Variants in CFAP61 observed in about 807,000 individuals in gnomAD.
The protein encoded by CFAP61 is cilia- and flagella-associated protein 61.
In CFAP61, 107 loss-of-function variants were observed where a neutral mutation model predicts 135.6. That is an observed-to-expected ratio of 0.79 (90% confidence interval 0.67 to 0.93). CFAP61 has a LOEUF of 0.93. CFAP61 is among the 40% of genes least tolerant of loss of function. The pLI is 0.00. For synonymous variants in CFAP61, 575 were observed against 578.5 expected (o/e 0.99, Z 0.09); for missense variants, 1,507 against 1,556.2 (o/e 0.97, Z 0.53).
chr20:20,090,812 G>A (rs575802315), intron 6 of CFAP61, 32 bp from the exon 7 acceptor site: 63 of 1,608,472 alleles, frequency 3.9e-5, no homozygotes, highest in South Asian at 3.1e-4. Context: ...ATGAGTGAAC[G>A]AACACTGAAC....
intron 25 of CFAP61, among the ~76,000 whole-genome samples, chr20:20,324,405 T>C (rs1319106223): frequency 6.6e-6 from 1 of 152,230 alleles, no homozygotes; most frequent in Non-Finnish European, 1.5e-5. Context: ...AGAATCTGTA[T>C]AAATATTGAA....
chr20:20,166,328 C>G, intron 11 of CFAP61, 69 bp from the exon 12 acceptor site: 1 of 1,321,028 alleles, frequency 7.6e-7, no homozygotes. Flanking sequence ...AGCTGTAAAT[C>G]TCTGTAAACG....
rs778084281 is a variant in CFAP61, at chr20:20,169,466, T to A, written c.1385+6T>A. 1 of 1,600,318 alleles carries A rather than the reference T, an allele frequency of 6.2e-7. No individual in the cohort carries two copies. The highest frequency in any genetic ancestry group is 1.7e-5 in the Admixed American group (1 of 59,740). On this transcript the variant is annotated splice_donor_region_variant and intron_variant, in intron 13 of 26. Coordinates refer to ENST00000245957, the MANE Select transcript of CFAP61 (RefSeq NM_015585.4). ...CACCGGGCTGGATTGCTCAAGTGAG[T>A]AGACACATGTTTGGCCACACAACAA... is the stretch of plus-strand genomic sequence containing the variant.
Position 20,293,961 on chromosome 20 carries a change from A to G in CFAP61, c.3216+3570A>G, listed in dbSNP as rs1377430146. Among the ~76,000 whole-genome samples the G allele has an allele frequency of 3.3e-5, 5 of 152,176 alleles. No homozygotes were observed. The East Asian group carries it at 9.6e-4, about 29-fold the overall frequency. ...GCATGAATTCCAGAACCATTTTCCA[A>G]CCTTTGTCAAAATCATAAAGGACCT... On this transcript the variant is annotated intron_variant, in intron 24 of 26. Coordinates refer to ENST00000245957, the MANE Select transcript of CFAP61 (RefSeq NM_015585.4).
Position 20,166,389 on chromosome 20 carries a change from G to A in CFAP61, c.1206-8G>A, listed in dbSNP as rs76478725. On this transcript the variant is annotated splice_polypyrimidine_tract_variant and splice_region_variant and intron_variant, in intron 11 of 26. Coordinates refer to ENST00000245957, the MANE Select transcript of CFAP61 (RefSeq NM_015585.4). ...GGGCACTGACAGTGCTTACTGTCTT[G>A]TTTACAGGTCGCTGGATTTTATGAA... The A allele has an allele frequency of 4.3e-6, 7 of 1,613,368 alleles. No homozygotes were observed. Among genetic ancestry groups the A allele is most frequent in the Non-Finnish European group, 5.9e-6 (7 of 1,179,476 alleles).
At chr20:20,183,175 G>A (rs1291880741) in intron 13 of CFAP61, among the ~76,000 whole-genome samples, 1 of 137,166 alleles carries the variant, frequency 7.3e-6, no homozygotes, top group African/African-American at 2.9e-5. Context: ...TTTTTTTTTA[G>A]ATAGAGTCTC....
rs775365503 is a variant in CFAP61, at chr20:20,341,854, T to C, written c.3446T>C (p.Leu1149Pro). The C allele has an allele frequency of 5.5e-5, 89 of 1,613,618 alleles. No homozygotes were observed. The highest frequency in any genetic ancestry group is 7.4e-5 in the Non-Finnish European group (87 of 1,179,956). The change falls in exon 26 of 27, where the codon CTG becomes CCG. Residue 1149 changes from leucine to proline, a missense_variant. Physicochemically the swap from Leu to Pro is moderately conservative, Grantham distance 98. Coordinates refer to ENST00000245957, the MANE Select transcript of CFAP61 (RefSeq NM_015585.4). ...LYSYFTEPWC[L>P]ALFHDRFIDL... ...AGCTACTTCACCGAGCCGTGGTGCC[T>C]GGCCCTGTTCCACGATCGTTTTATT...
chr20:20,175,199 A>G (rs2054521178), intron 13 of CFAP61, among the ~76,000 whole-genome samples: 1 of 152,216 alleles, frequency 6.6e-6, no homozygotes, highest in African/African-American at 2.4e-5. Context: ...ATGTACGGCC[A>G]CCATGGACCG....
chr20:20,307,672 A>G (rs920715301), intron 25 of CFAP61, among the ~76,000 whole-genome samples: 2 of 152,220 alleles, frequency 1.3e-5, no homozygotes, highest in African/African-American at 4.8e-5. Context: ...TTAAAATTGT[A>G]TGGGATTACA....
chr20:20,264,681 CAGG>C (rs1193293561), intron 21 of CFAP61, among the ~76,000 whole-genome samples: 3 of 152,034 alleles, frequency 2.0e-5, no homozygotes, highest in Non-Finnish European at 4.4e-5. Flanking sequence ...CACTTGAGCC[CAGG>C]AGTTTGAGAC....
chr20:20,055,971 A>G (rs535146740), intron 1 of CFAP61: 20 of 1,611,544 alleles, frequency 1.2e-5, no homozygotes, highest in Admixed American at 1.2e-4. Flanking sequence ...AGCATTTCCC[A>G]AAGTGTCCTT....
intron 18 of CFAP61, among the ~76,000 whole-genome samples, chr20:20,238,898 CT>C (rs1196332875): frequency 1.3e-5 from 2 of 152,102 alleles, no homozygotes; most frequent in Non-Finnish European, 2.9e-5. Flanking sequence ...GAATTATTTG[CT>C]GTGAAAATGC....
intron 17 of CFAP61, among the ~76,000 whole-genome samples, chr20:20,207,747 T>C (rs998935868): frequency 3.3e-5 from 5 of 152,222 alleles, no homozygotes; most frequent in Non-Finnish European, 4.4e-5. Flanking sequence ...GCAATCTATG[T>C]TTTTGGTAGA....
At position 20,098,778 on chromosome 20, in the gene CFAP61, G is replaced by GA; in HGVS notation, c.825dup (p.Ser276IlefsTer14). ...TTTCCCACATCCTGATGACGTTCTG[G>GA]AATCACCACAAGACCTAAGTGTCCG... On this transcript the variant is annotated frameshift_variant, in exon 8 of 27. Transcript: ENST00000245957. LOFTEE classifies it high-confidence loss of function. The GA allele has an allele frequency of 1.2e-6, 2 of 1,613,802 alleles. No homozygotes were observed. The highest frequency in any genetic ancestry group is 4.5e-5 in the East Asian group (2 of 44,864).
chr20:20,185,731 A>C (rs2055449658), intron 13 of CFAP61, among the ~76,000 whole-genome samples: 1 of 152,220 alleles, frequency 6.6e-6, no homozygotes, highest in South Asian at 2.1e-4. Flanking sequence ...GAGGCATATT[A>C]AACTCTACCA....
chr20:20,071,297 G>A (rs927134978), intron 3 of CFAP61, among the ~76,000 whole-genome samples: 6 of 152,268 alleles, frequency 3.9e-5, no homozygotes, highest in Admixed American at 2.0e-4. Context: ...CAGGTCTCAC[G>A]TTGTTCTCCA....
At chr20:20,209,461 T>C (rs958193499) in intron 17 of CFAP61, among the ~76,000 whole-genome samples, 1 of 152,230 alleles carries the variant, frequency 6.6e-6, no homozygotes, top group African/African-American at 2.4e-5. Flanking sequence ...ATGATTTCTC[T>C]TGGCAATATG....
chr20:20,193,916 A>G (rs1839103969), intron 15 of CFAP61, among the ~76,000 whole-genome samples: 1 of 152,178 alleles, frequency 6.6e-6, no homozygotes, highest in African/African-American at 2.4e-5. Flanking sequence ...CGCCAGCCTC[A>G]TTCTAATTAT....
In CFAP61 at chr20:20,345,883, C is replaced by CTTTTT. The variant is rs756813997; in HGVS notation, c.3513+3987_3513+3991dup. On this transcript the variant is annotated intron_variant, in intron 26 of 26. Transcript: ENST00000245957. ...GTTGTATTTAGCTGAGATTGTGCCA[C>CTTTTT]TTTTTTTTTTTTTTTTTTTTTTTTT... Among the ~76,000 whole-genome samples, 82 of 50,462 alleles carry CTTTTT rather than the reference C, an allele frequency of 1.6e-3. 10 individuals are homozygous for CTTTTT. The highest frequency in any genetic ancestry group is 3.0e-3 in the South Asian group (2 of 658). The allele number at this position is 50,462 out of a possible 152,430, so 33.1% of individuals were successfully genotyped here. A position where few individuals can be genotyped will look rare whatever the true frequency, so the allele number is the denominator to read the frequency against.
Sources: allele counts gnomAD v4.1 joint callset (sites outside exome capture counted in the v4.1 genomes callset), GRCh38; gene constraint gnomAD v4.1.1; transcripts MANE v1.5; gene names NCBI Gene and HGNC (gene_info 2026-07-23, HGNC 2026-07-21).